TPST2: variants seen among roughly 807,000 people sequenced by gnomAD.
TPST2 encodes tyrosylprotein sulfotransferase 2, also known as protein-tyrosine sulfotransferase 2.
TPST2 carries 16 observed loss-of-function variants against 27.8 expected under a neutral mutation model. The ratio of observed to expected loss-of-function variants is 0.58; its 90% CI spans 0.39 to 0.88. The LOEUF is 0.88. Ranked by LOEUF, TPST2 falls within the 40% of genes least tolerant of loss-of-function variation. TPST2 has a pLI of 0.00. For missense variants in TPST2, 464 were observed against 543.1 expected (o/e 0.85, Z 1.45); for synonymous variants, 229 against 231.7 (o/e 0.99, Z 0.10).
chr22:26,550,215 G>A (rs1423896737), intron 1 of TPST2, among the ~76,000 whole-genome samples: 1 of 152,034 alleles, frequency 6.6e-6, no homozygotes, highest in African/African-American at 2.4e-5. Flanking sequence ...TACCATGTGC[G>A]GGGCCCTGCT....
intron 1 of TPST2, among the ~76,000 whole-genome samples, chr22:26,572,959 T>A (rs1256416211): frequency 2.0e-5 from 3 of 152,186 alleles, no homozygotes; most frequent in African/African-American, 7.2e-5. Flanking sequence ...ATTCCCCACC[T>A]ATTAGTTTTG....
At chr22:26,529,018 G>GT (rs1268591155) in intron 5 of TPST2, among the ~76,000 whole-genome samples, 1 of 150,626 alleles carries the variant, frequency 6.6e-6, no homozygotes, top group African/African-American at 2.4e-5. Context: ...AAAACAAAAC[G>GT]TATCTTTTGC....
At chr22:26,555,111 G>T in intron 1 of TPST2, 1 of 525,532 alleles carries the variant, frequency 1.9e-6, no homozygotes. Context: ...AAGAGGCAAG[G>T]TGGAGCTGAG....
chr22:26,580,814 C>G (rs942037907), intron 1 of TPST2, among the ~76,000 whole-genome samples: 1 of 152,062 alleles, frequency 6.6e-6, no homozygotes, highest in Non-Finnish European at 1.5e-5. Flanking sequence ...GCGTTAGCAC[C>G]TAATGGAGGC....
chr22:26,587,775 C>T (rs975681576), intron 1 of TPST2, among the ~76,000 whole-genome samples: 1 of 152,008 alleles, frequency 6.6e-6, no homozygotes, highest in Admixed American at 6.6e-5. Flanking sequence ...TACAGCTGTT[C>T]TGGAAAAATA....
At chr22:26,535,092 G>C (rs1925377332) in intron 4 of TPST2, among the ~76,000 whole-genome samples, 1 of 152,184 alleles carries the variant, frequency 6.6e-6, no homozygotes, top group Admixed American at 6.5e-5. Context: ...AATTCTCTTT[G>C]TTAAAGAGAG....
chr22:26,550,832 G>A (rs1429143157), intron 1 of TPST2, among the ~76,000 whole-genome samples: 2 of 152,204 alleles, frequency 1.3e-5, no homozygotes, highest in Non-Finnish European at 2.9e-5. Context: ...TATTGCGGGG[G>A]GAAGCCAGCC....
chr22:26,551,093 C>T lies in TPST2; in HGVS notation c.-160-6418G>A, dbSNP rs1415811783. Reference sequence around the variant, plus strand: ...TGGATTGCTACAGCAAAGGAGTTTGCGACCAGCCTGGAAAATAAGACAAAA... The same window carrying T: ...TGGATTGCTACAGCAAAGGAGTTTGTGACCAGCCTGGAAAATAAGACAAAA... On this transcript the variant is annotated intron_variant, in intron 1 of 6. Transcript: ENST00000338754. 2.6e-5 allele frequency among the ~76,000 whole-genome samples: 4 copies of T among 152,062 alleles called. No individual in the cohort carries two copies. The East Asian group carries it at 5.8e-4, about 22-fold the overall frequency.
At chr22:26,578,974 C>G (rs557385178) in intron 1 of TPST2, among the ~76,000 whole-genome samples, 1 of 152,008 alleles carries the variant, frequency 6.6e-6, no homozygotes, top group East Asian at 1.9e-4. Context: ...ACCTCAGCCT[C>G]CAAAGTAGCT....
rs564784481 is a variant in TPST2 at position 26,560,314 on chromosome 22, T to C, written c.-160-15639A>G. Among the ~76,000 whole-genome samples the C allele has an allele frequency of 1.6e-4, 25 of 152,300 alleles. 1 individual carries two copies. Among genetic ancestry groups the C allele is most frequent in the Admixed American group, 1.4e-3 (21 of 15,296 alleles). On this transcript the variant is annotated intron_variant, in intron 1 of 6. Transcript: ENST00000338754. ...TACAGATGCTGGCTACAGAGCTACATGACTTTGGGCAAGACACTTAACCTC... is the reference window on the plus strand; with the variant it reads ...TACAGATGCTGGCTACAGAGCTACACGACTTTGGGCAAGACACTTAACCTC...
intron 1 of TPST2, among the ~76,000 whole-genome samples, chr22:26,577,539 T>G (rs542200057): frequency 6.6e-6 from 1 of 151,454 alleles, no homozygotes; most frequent in African/African-American, 2.4e-5. Context: ...TTAGTAGAGA[T>G]GGGGTTTCAC....
chr22:26,585,257 G>T (rs920002214), intron 1 of TPST2, among the ~76,000 whole-genome samples: 3 of 152,160 alleles, frequency 2.0e-5, no homozygotes, highest in African/African-American at 7.2e-5. Flanking sequence ...AAAGTCACTC[G>T]GCAGACGGGC....
At chr22:26,574,362 G>A (rs1422108571) in intron 1 of TPST2, among the ~76,000 whole-genome samples, 2 of 152,182 alleles carry the variant, frequency 1.3e-5, no homozygotes, top group Admixed American at 1.3e-4. Flanking sequence ...CCAGAGAAGT[G>A]TCTGGAGCAA....
In TPST2 at chr22:26,586,192, C is replaced by G. The variant is rs549377570; in HGVS notation, c.-161+3861G>C. Among the ~76,000 whole-genome samples the G allele has an allele frequency of 2.0e-5, 3 of 152,150 alleles. No homozygotes were observed. In the South Asian group the frequency reaches 6.2e-4, roughly 32 times the overall value. ...GAGCGGCAGTTCCTTGCCTAGGGAG[C>G]CTTCCCACCCCGTCTCCATGTCCCT... On this transcript the variant is annotated intron_variant, in intron 1 of 6. Transcript: ENST00000338754.
chr22:26,541,748 G>A lies in TPST2; in HGVS notation c.-88-30C>T. The stretch of plus-strand genomic sequence containing the variant: ...GGAGAGAGGGGGACATGCATAGTCA[G>A]GGAGGTCTGTGAGCTGTGAGCTCTC... On this transcript the variant is annotated intron_variant, in intron 2 of 6. Transcript: ENST00000338754. This position sits in a 1 kb window ranked among gnomAD's most constrained non-coding sequence, Gnocchi z 5.9. 1 of 1,440,306 alleles carries A rather than the reference G, an allele frequency of 6.9e-7. No individual in the cohort carries two copies. The highest frequency in any genetic ancestry group is 9.1e-7 in the Non-Finnish European group (1 of 1,102,648). The allele number at this position is 1,440,306 out of a possible 1,614,324, so 89.2% of individuals were successfully genotyped here. A position where few individuals can be genotyped will look rare whatever the true frequency, so the allele number is the denominator to read the frequency against.
intron 6 of TPST2, 129 bp downstream of exon 6, chr22:26,528,085 G>T: frequency 9.4e-7 from 1 of 1,060,312 alleles, no homozygotes; most frequent in Non-Finnish European, 1.4e-6. Context: ...ATGGGGCTGG[G>T]TCAGCCCACC....
At chr22:26,577,050 T>G (rs906860288) in intron 1 of TPST2, among the ~76,000 whole-genome samples, 1 of 145,772 alleles carries the variant, frequency 6.9e-6, no homozygotes, top group African/African-American at 2.5e-5. Flanking sequence ...GAGCTGAGAT[T>G]GCGCCACTGC....
Position 26,575,024 on chromosome 22 carries a change from C to T in TPST2, c.-161+15029G>A, listed in dbSNP as rs567491461. On this transcript the variant is annotated intron_variant, in intron 1 of 6. Transcript: ENST00000338754. ...AGGACAGTCAAGATTTGAGCCCTCCCTATGAGGACCTGTCCCCACTCAGTC... is the reference window on the plus strand; with the variant it reads ...AGGACAGTCAAGATTTGAGCCCTCCTTATGAGGACCTGTCCCCACTCAGTC... Among the ~76,000 whole-genome samples, 7 of 152,270 alleles carry T rather than the reference C, an allele frequency of 4.6e-5. No individual in the cohort carries two copies. In the East Asian group the frequency reaches 1.2e-3, roughly 25 times the overall value.
intron 1 of TPST2, among the ~76,000 whole-genome samples, chr22:26,563,381 T>C (rs894301958): frequency 6.9e-6 from 1 of 144,162 alleles, no homozygotes; most frequent in African/African-American, 2.6e-5. Context: ...CAGGCTGGAG[T>C]GCAGTGGCGT....
Sources: gnomAD v4.1 joint callset for allele counts (sites outside exome capture counted in the v4.1 genomes callset) on GRCh38, gnomAD v4.1.1 for gene constraint, Gnocchi (gnomAD v3.1) non-coding constraint, MANE v1.5 for transcripts, NCBI Gene and HGNC (gene_info 2026-07-23, HGNC 2026-07-21) for gene names.